The following ZNF157 variants were observed in gnomAD, a reference collection of about 807,000 sequenced individuals.
ZNF157 encodes zinc finger protein 157.
A neutral mutation model predicts 9.4 loss-of-function variants in ZNF157; 8 were observed. The ratio of observed to expected loss-of-function variants is 0.85; its 90% confidence interval spans 0.50 to 1.53. The LOEUF is 1.53. ZNF157 is among the 40% of genes most tolerant of loss of function. ZNF157 has a pLI of 0.00. For missense variants in ZNF157, 316 were observed against 385.2 expected (o/e 0.82, Z 1.50); for synonymous variants, 120 against 130.8 (o/e 0.92, Z 0.56).
intron 1 of ZNF157, among the ~76,000 whole-genome samples, chrX:47,406,519 A>G (rs927645180): frequency 1.8e-5 from 2 of 110,661 alleles, no homozygotes; most frequent in African/African-American, 6.6e-5. Context: ...GATTACAGGC[A>G]CGCACCACTA....
chrX:47,392,851 G>T (rs2055901177), intron 1 of ZNF157, among the ~76,000 whole-genome samples: 1 of 111,338 alleles, frequency 9.0e-6, no homozygotes, highest in Non-Finnish European at 1.9e-5. Flanking sequence ...TTAGATTAAG[G>T]CCTGAAAAAT....
chrX:47,386,511 G>T (rs1322183737), intron 1 of ZNF157, among the ~76,000 whole-genome samples: 2 of 111,218 alleles, frequency 1.8e-5, no homozygotes, highest in Non-Finnish European at 3.8e-5. Context: ...TCAGGTTGGA[G>T]TGCAGTGGTG....
chrX:47,379,724 CTTTTT>C (rs200985634), intron 1 of ZNF157, among the ~76,000 whole-genome samples: 1 of 62,763 alleles, frequency 1.6e-5, no homozygotes, highest in African/African-American at 6.6e-5. Context: ...TGTCTAGATG[CTTTTT>C]TTTTTTTTTT....
intron 1 of ZNF157, among the ~76,000 whole-genome samples, chrX:47,375,570 A>G (rs1315820615): frequency 9.0e-6 from 1 of 111,445 alleles, no homozygotes; most frequent in Non-Finnish European, 1.9e-5. Context: ...AGATCATGAC[A>G]TATATCCACC....
chrX:47,387,541 G>A (rs1378834477), intron 1 of ZNF157, among the ~76,000 whole-genome samples: 4 of 109,904 alleles, frequency 3.6e-5, no homozygotes, highest in East Asian at 2.9e-4. Context: ...ACAGGCATAA[G>A]CCACCATGCC....
chrX:47,387,004 G>T, intron 1 of ZNF157, among the ~76,000 whole-genome samples: 1 of 110,419 alleles, frequency 9.1e-6, no homozygotes, highest in Non-Finnish European at 1.9e-5. Flanking sequence ...GTCTCACTCT[G>T]TTGCCCAGGC....
chrX:47,395,163 T>C (rs980329973), intron 1 of ZNF157, among the ~76,000 whole-genome samples: 1 of 111,218 alleles, frequency 9.0e-6, no homozygotes, highest in East Asian at 2.8e-4. Flanking sequence ...GAGATCCTCC[T>C]GCCTCAGCCT....
intron 1 of ZNF157, among the ~76,000 whole-genome samples, chrX:47,374,543 C>T (rs2055837958): frequency 9.5e-6 from 1 of 105,364 alleles, no homozygotes; most frequent in Non-Finnish European, 1.9e-5. Context: ...GGATTACAGG[C>T]ACCCAACACC....
At chrX:47,393,857 G>A (rs996690228) in intron 1 of ZNF157, among the ~76,000 whole-genome samples, 13 of 108,306 alleles carry the variant, frequency 1.2e-4, no homozygotes, top group African/African-American at 3.4e-4. Context: ...CCCCTCCCAG[G>A]AGGTTGAGTA....
intron 1 of ZNF157, among the ~76,000 whole-genome samples, chrX:47,396,572 G>A (rs779253593): frequency 1.8e-5 from 2 of 111,122 alleles, no homozygotes; most frequent in African/African-American, 6.5e-5. Context: ...ATATATAGTC[G>A]TAATTTATGC....
chrX:47,393,745 T>TCCCCCCC (rs1569258580), intron 1 of ZNF157, among the ~76,000 whole-genome samples: 6 of 48,902 alleles, frequency 1.2e-4, no homozygotes, highest in Admixed American at 5.2e-4. Context: ...CCCCCGCCCT[T>TCCCCCCC]TTTTTTTTTT....
chrX:47,372,494 CTTTTTTTT>C (rs35123428), intron 1 of ZNF157, among the ~76,000 whole-genome samples: 1 of 85,846 alleles, frequency 1.2e-5, no homozygotes, highest in Non-Finnish European at 2.3e-5. Context: ...TATTTGTATT[CTTTTTTTT>C]TTTTTTTTTG....
At chrX:47,378,577 T>C (rs2055851852) in intron 1 of ZNF157, among the ~76,000 whole-genome samples, 1 of 112,005 alleles carries the variant, frequency 8.9e-6, no homozygotes, top group Non-Finnish European at 1.9e-5. Flanking sequence ...GCGCGGTGGC[T>C]CATGCCTGTA....
chrX:47,399,929 C>G (rs1335040224), intron 1 of ZNF157, among the ~76,000 whole-genome samples: 1 of 110,371 alleles, frequency 9.1e-6, no homozygotes, highest in African/African-American at 3.3e-5. Flanking sequence ...GATCCTCCTG[C>G]CTCAGCCTCC....
chrX:47,407,088 A>G (rs1396807620), intron 1 of ZNF157, among the ~76,000 whole-genome samples: 3 of 112,323 alleles, frequency 2.7e-5, no homozygotes, highest in Non-Finnish European at 5.6e-5. Context: ...TGACTTTTCT[A>G]TATCAATTGA....
chrX:47,377,168 A>G (rs1482112166), intron 1 of ZNF157, among the ~76,000 whole-genome samples: 1 of 107,801 alleles, frequency 9.3e-6, no homozygotes, highest in Non-Finnish European at 1.9e-5. Context: ...TCCATTCCCT[A>G]CGGATTCATC....
intron 1 of ZNF157, among the ~76,000 whole-genome samples, chrX:47,399,768 C>T (rs987193501): frequency 6.3e-5 from 7 of 111,238 alleles, no homozygotes; most frequent in Non-Finnish European, 1.3e-4. Flanking sequence ...CAACCTCAGC[C>T]TCCAGGGCTG....
In ZNF157 at chrX:47,411,135, C is replaced by T. The variant is rs757358162; in HGVS notation, c.295+360C>T. 1.1e-4 allele frequency among the ~76,000 whole-genome samples: 12 copies of T among 109,423 alleles called. No individual in the cohort carries two copies. In the East Asian group the frequency reaches 2.0e-3, roughly 19 times the overall value. ...TCCTGAGCAGCTGGGATTACAGGTG[C>T]GTGCCACCACGCCTGGCTAATTTTT... On this transcript the variant is annotated intron_variant, in intron 3 of 3. Coordinates refer to ENST00000377073, the MANE Select transcript of ZNF157 (RefSeq NM_003446.4).
Position 47,413,409 on chromosome X carries a change from G to A in ZNF157, c.1336G>A (p.Glu446Lys). Residue 446 changes from glutamate to lysine, a missense_variant, in exon 4 of 4, where the codon GAA becomes AAA. This residue lies in a region of ZNF157 where 167 missense variants were observed against 183.6 expected (regional missense o/e 0.91). Transcript: ENST00000377073. Reference sequence around the variant, plus strand: ...AGGAGAGAAACCTTATGAATGTAGTGAATGTGGAAATGCCTTCTATGTGAA... The same window carrying A: ...AGGAGAGAAACCTTATGAATGTAGTAAATGTGGAAATGCCTTCTATGTGAA... ...HTGEKPYECS[E>K]CGNAFYVKVR... 1.7e-6 allele frequency: 2 copies of A among 1,211,867 alleles called. No homozygotes were observed. Among genetic ancestry groups the A allele is most frequent in the Non-Finnish European group, 2.2e-6 (2 of 895,522 alleles).
Sources: allele counts gnomAD v4.1 joint callset (sites outside exome capture counted in the v4.1 genomes callset), GRCh38; gene constraint gnomAD v4.1.1; regional missense constraint gnomAD v4.1.1; transcripts MANE v1.5; gene names NCBI Gene and HGNC (gene_info 2026-07-23, HGNC 2026-07-21).